The following MTA3 variants were observed in gnomAD, a reference collection of about 807,000 sequenced individuals.
MTA3 encodes the protein metastasis associated 1 family member 3, also known as metastasis-associated protein MTA3.
Under a neutral mutation model 83.5 loss-of-function variants are expected in MTA3, and 34 were observed. The observed-to-expected ratio is 0.41, with a 90% CI of 0.31 to 0.54. MTA3 has a LOEUF of 0.54. Ranked by LOEUF, MTA3 falls within the 20% of genes least tolerant of loss-of-function variation. The pLI, the probability that MTA3 is intolerant of heterozygous loss-of-function variation, is 0.33. For missense variants in MTA3, 761 were observed against 726.4 expected, an observed-to-expected ratio of 1.05 and a Z score of -0.55; for synonymous variants, 303 against 252.7, an observed-to-expected ratio of 1.20 and a Z score of -1.89.
chr2:42,521,680 G>A (rs1444188048), intron 2 of MTA3, among the ~76,000 whole-genome samples: 1 of 151,276 alleles, frequency 6.6e-6, no homozygotes, highest in African/African-American at 2.4e-5. Context: ...AAGCCAGTTT[G>A]AGAAGCCCTT....
At chr2:42,632,458 G>T (rs1201554110) in intron 4 of MTA3, among the ~76,000 whole-genome samples, 2 of 152,130 alleles carry the variant, frequency 1.3e-5, no homozygotes, top group Non-Finnish European at 2.9e-5. Context: ...TGGAACCTCT[G>T]AGAGATTTTC....
intron 14 of MTA3, among the ~76,000 whole-genome samples, chr2:42,713,705 C>G (rs1306931556): frequency 1.3e-5 from 2 of 152,140 alleles, no homozygotes; most frequent in Non-Finnish European, 2.9e-5. Context: ...GTCTATATTG[C>G]TCTGTCCCTT....
At chr2:42,510,007 C>T (rs1258021597) in intron 2 of MTA3, among the ~76,000 whole-genome samples, 5 of 151,952 alleles carry the variant, frequency 3.3e-5, no homozygotes, top group East Asian at 1.9e-4. Context: ...CCATACCTGC[C>T]GTGTCTGCCA....
intron 10 of MTA3, among the ~76,000 whole-genome samples, chr2:42,696,273 AC>A (rs552259937): frequency 7.9e-5 from 12 of 152,304 alleles, no homozygotes; most frequent in African/African-American, 2.6e-4. Flanking sequence ...GTGTGGCTAT[AC>A]CCCCGAAATC....
intron 4 of MTA3, among the ~76,000 whole-genome samples, chr2:42,609,943 AC>A (rs918613527): frequency 2.3e-4 from 35 of 152,282 alleles, no homozygotes; most frequent in African/African-American, 8.4e-4. Flanking sequence ...TACTAAAAAT[AC>A]AAAAAATTAG....
intron 4 of MTA3, among the ~76,000 whole-genome samples, chr2:42,630,345 A>G: frequency 6.6e-6 from 1 of 152,198 alleles, no homozygotes; most frequent in Admixed American, 6.6e-5. Flanking sequence ...GGGGATTTGT[A>G]ATATATGATT....
chr2:42,587,465 T>A (rs1202144594), intron 3 of MTA3, among the ~76,000 whole-genome samples: 1 of 152,218 alleles, frequency 6.6e-6, no homozygotes, highest in Non-Finnish European at 1.5e-5. Flanking sequence ...CCAGTGAGAA[T>A]TCTTGTGTAT....
chr2:42,634,314 C>T (rs1332497271), intron 4 of MTA3, among the ~76,000 whole-genome samples: 1 of 152,194 alleles, frequency 6.6e-6, no homozygotes, highest in Non-Finnish European at 1.5e-5. Context: ...TCTATTCTCA[C>T]ACTGCTATAG....
chr2:42,549,120 C>A (rs1415388720), intron 2 of MTA3, among the ~76,000 whole-genome samples: 2 of 138,140 alleles, frequency 1.4e-5, no homozygotes, highest in Admixed American at 1.7e-4. Context: ...TTGCAGTGAG[C>A]CGAGATCGTG....
intron 2 of MTA3, among the ~76,000 whole-genome samples, chr2:42,529,323 C>G (rs1212220446): frequency 6.6e-6 from 1 of 152,148 alleles, no homozygotes; most frequent in Non-Finnish European, 1.5e-5. Flanking sequence ...GGGAGCTTCG[C>G]AGGGCAGTGT....
chr2:42,753,950 T>C lies in MTA3; in HGVS notation c.*551T>C. 2.0e-6 allele frequency: 2 copies of C among 985,976 alleles called. No homozygotes were observed. Among genetic ancestry groups the C allele is most frequent in the African/African-American group, 3.5e-5 (2 of 57,380 alleles). The allele number at this position is 985,976 out of a possible 1,614,324, so 61.1% of individuals were successfully genotyped here. On this transcript the variant is annotated 3_prime_UTR_variant, in exon 17 of 17. Coordinates refer to ENST00000405094, the MANE Select transcript of MTA3 (RefSeq NM_001330442.2). ...GCTTTTTCTCGATAGGCTTCATCCT[T>C]GTTTTTTTGAAATGGGGGAATTTGC...
chr2:42,668,184 A>G (rs1266032018), intron 8 of MTA3, among the ~76,000 whole-genome samples: 4 of 152,178 alleles, frequency 2.6e-5, no homozygotes, highest in African/African-American at 9.7e-5. Flanking sequence ...TGGCTCCTCA[A>G]AGTAGAGGCA....
chr2:42,604,830 A>C (rs376455107), intron 3 of MTA3, among the ~76,000 whole-genome samples: 4,380 of 146,110 alleles, frequency 0.03, 84 homozygotes, highest in Middle Eastern at 0.077. Flanking sequence ...CAAAGCACAT[A>C]TTGCACCGCC....
chr2:42,552,000 A>G (rs1677131222), intron 2 of MTA3, among the ~76,000 whole-genome samples: 1 of 152,182 alleles, frequency 6.6e-6, no homozygotes, highest in African/African-American at 2.4e-5. Flanking sequence ...TGCTGGGATT[A>G]CAAGTGTGAG....
At chr2:42,752,561 G>A (rs941970295) in intron 16 of MTA3, among the ~76,000 whole-genome samples, 6 of 152,178 alleles carry the variant, frequency 3.9e-5, no homozygotes, top group Non-Finnish European at 8.8e-5. Context: ...TGGGGAAGTG[G>A]AGGGGGTGGG....
At chr2:42,668,706 A>G (rs1239362296) in intron 8 of MTA3, among the ~76,000 whole-genome samples, 2 of 152,184 alleles carry the variant, frequency 1.3e-5, no homozygotes, top group African/African-American at 4.8e-5. Context: ...TTAGTAGATT[A>G]TCAAGTTTAA....
At chr2:42,748,464 C>A (rs192352026) in intron 16 of MTA3, among the ~76,000 whole-genome samples, 2 of 152,256 alleles carry the variant, frequency 1.3e-5, no homozygotes, top group East Asian at 1.9e-4. Context: ...CTGATTATTT[C>A]TTCTACAGTA....
intron 2 of MTA3, among the ~76,000 whole-genome samples, chr2:42,574,766 C>G (rs1391814816): frequency 6.6e-6 from 1 of 152,142 alleles, no homozygotes; most frequent in East Asian, 1.9e-4. Flanking sequence ...TACTGTGTTG[C>G]CCAGGCTGAT....
At chr2:42,585,498 A>G (rs1466049707) in intron 3 of MTA3, among the ~76,000 whole-genome samples, 1 of 134,412 alleles carries the variant, frequency 7.4e-6, no homozygotes. Flanking sequence ...TTTTTTTGAG[A>G]CAGTCTCACT....
Sources: allele counts gnomAD v4.1 joint callset (sites outside exome capture counted in the v4.1 genomes callset), GRCh38; gene constraint gnomAD v4.1.1; transcripts MANE v1.5; gene names NCBI Gene and HGNC (gene_info 2026-07-23, HGNC 2026-07-21).